The following PACRG variants were observed in gnomAD, a reference collection of about 807,000 sequenced individuals.
PACRG encodes the protein parkin coregulated.
PACRG carries 29 observed loss-of-function variants against 29.7 expected under a neutral mutation model. The ratio of observed to expected loss-of-function variants is 0.98; its 90% CI spans 0.73 to 1.33. PACRG has a LOEUF of 1.33. Ranked by LOEUF, PACRG falls within the 40% of genes most tolerant of loss-of-function variation. The pLI is 0.00. For synonymous variants in PACRG, 116 were observed against 118.7 expected (o/e 0.98, Z 0.15); for missense variants, 279 against 316.2 (o/e 0.88, Z 0.89).
intron 1 of PACRG, among the ~76,000 whole-genome samples, chr6:162,803,857 C>A (rs1786087094): frequency 6.6e-6 from 1 of 152,042 alleles, no homozygotes; most frequent in Non-Finnish European, 1.5e-5. Flanking sequence ...AAATTTACCT[C>A]ATTATCTCAC....
chr6:163,220,708 TGGA>T (rs1008047266), intron 4 of PACRG, among the ~76,000 whole-genome samples: 3 of 152,200 alleles, frequency 2.0e-5, no homozygotes, highest in African/African-American at 7.2e-5. Context: ...AGAGAGTATG[TGGA>T]GAAGTTAAAT....
chr6:162,865,688 C>A (rs1792234074), intron 2 of PACRG, among the ~76,000 whole-genome samples: 1 of 152,126 alleles, frequency 6.6e-6, no homozygotes, highest in Admixed American at 6.5e-5. Context: ...TCACAAAAGG[C>A]TTATCTTCTC....
intron 2 of PACRG, among the ~76,000 whole-genome samples, chr6:163,045,621 CTTTT>C (rs11326242): frequency 9.4e-6 from 1 of 105,870 alleles, no homozygotes. Flanking sequence ...CTGCGCCCAG[CTTTT>C]TTTTTTTTTT....
chr6:162,871,205 A>C (rs571805124), intron 2 of PACRG, among the ~76,000 whole-genome samples: 1 of 152,310 alleles, frequency 6.6e-6, no homozygotes, highest in East Asian at 1.9e-4. Flanking sequence ...AAAGTATGCA[A>C]TCATACTTTT....
At chr6:163,110,733 C>G (rs1298221980) in intron 4 of PACRG, among the ~76,000 whole-genome samples, 1 of 152,232 alleles carries the variant, frequency 6.6e-6, no homozygotes, top group Non-Finnish European at 1.5e-5. Context: ...CACTTTGATG[C>G]TCAGCCCCTC....
intron 4 of PACRG, among the ~76,000 whole-genome samples, chr6:163,276,008 C>CTTCTTTCT (rs376811032): frequency 0.018 from 2,500 of 140,650 alleles, 48 homozygotes; most frequent in African/African-American, 0.049. Context: ...TCCTTCCTTC[C>CTTCTTTCT]TTCTTTCTTT....
At position 163,180,881 on chromosome 6, in the gene PACRG, G is replaced by T. The variant is rs1585304511; in HGVS notation, c.613+91473G>T. Among the ~76,000 whole-genome samples the T allele has an allele frequency of 3.3e-5, 5 of 152,216 alleles. No homozygotes were observed. The South Asian group carries it at 6.2e-4, about 19-fold the overall frequency. On this transcript the variant is annotated intron_variant, in intron 4 of 4. Transcript: ENST00000366888. Reference sequence around the variant, plus strand: ...CTGGAGTCACCAGGCACCGAGCGTTGTGTGTGTTTCACCCGCTTGGCGTTT... The same window carrying T: ...CTGGAGTCACCAGGCACCGAGCGTTTTGTGTGTTTCACCCGCTTGGCGTTT...
At chr6:163,249,346 T>A (rs1257973499) in intron 4 of PACRG, among the ~76,000 whole-genome samples, 1 of 151,728 alleles carries the variant, frequency 6.6e-6, no homozygotes, top group Non-Finnish European at 1.5e-5. Context: ...ATTGTCCATT[T>A]AAAAAAAAAC....
intron 2 of PACRG, among the ~76,000 whole-genome samples, chr6:162,860,943 G>A (rs1234888407): frequency 6.6e-6 from 1 of 152,144 alleles, no homozygotes. Flanking sequence ...TTAAAATTAA[G>A]TCTGTTAGTT....
At chr6:163,187,254 A>T (rs907819551) in intron 4 of PACRG, among the ~76,000 whole-genome samples, 3 of 152,084 alleles carry the variant, frequency 2.0e-5, no homozygotes, top group Non-Finnish European at 4.4e-5. Context: ...ATCCCTCCAT[A>T]GACTGATCTG....
At chr6:162,820,806 C>T (rs1182342660) in intron 2 of PACRG, among the ~76,000 whole-genome samples, 1 of 152,010 alleles carries the variant, frequency 6.6e-6, no homozygotes, top group African/African-American at 2.4e-5. Context: ...TTGATAACTG[C>T]CAAAGCTTGA....
intron 2 of PACRG, among the ~76,000 whole-genome samples, chr6:162,871,962 A>G (rs1792858973): frequency 6.6e-6 from 1 of 152,186 alleles, no homozygotes; most frequent in African/African-American, 2.4e-5. Context: ...AAAAAACAAA[A>G]GACTACTTTC....
At chr6:162,948,620 A>G (rs1160201840) in intron 2 of PACRG, among the ~76,000 whole-genome samples, 2 of 152,156 alleles carry the variant, frequency 1.3e-5, no homozygotes, top group Non-Finnish European at 2.9e-5. Flanking sequence ...ATGAGAGAAA[A>G]TATTTGCAAA....
chr6:163,022,321 C>T (rs972969285), intron 2 of PACRG, among the ~76,000 whole-genome samples: 6 of 152,220 alleles, frequency 3.9e-5, no homozygotes, highest in South Asian at 2.1e-4. Context: ...TAATAATTGC[C>T]GTGTAGGAAG....
chr6:163,144,490 C>T (rs563564835), intron 4 of PACRG, among the ~76,000 whole-genome samples: 5 of 152,176 alleles, frequency 3.3e-5, no homozygotes, highest in South Asian at 2.1e-4. Flanking sequence ...TAATACAGGC[C>T]GGGTTCAGTG....
intron 4 of PACRG, among the ~76,000 whole-genome samples, chr6:163,248,431 CAAA>C (rs199676766): frequency 3.6e-5 from 4 of 109,632 alleles, no homozygotes; most frequent in Non-Finnish European, 4.1e-5. Flanking sequence ...ATATTTTATG[CAAA>C]AAAAAAAAAA....
Position 162,925,430 on chromosome 6 carries a change from A to T in PACRG, c.291+111149A>T, listed in dbSNP as rs1378116041. Among the ~76,000 whole-genome samples the T allele has an allele frequency of 1.1e-4, 16 of 152,344 alleles. No individual in the cohort carries two copies. In the East Asian group the frequency reaches 3.1e-3, roughly 29 times the overall value. ...AAAATCTTCAATAAAATACTGGCAAACTGAATCCAGCAGTGCATCAGAAAG... is the reference window on the plus strand; with the variant it reads ...AAAATCTTCAATAAAATACTGGCAATCTGAATCCAGCAGTGCATCAGAAAG... On this transcript the variant is annotated intron_variant, in intron 2 of 4. Coordinates refer to ENST00000366888, the MANE Select transcript of PACRG (RefSeq NM_001080379.2).
chr6:163,281,312 C>T (rs1291218206), intron 4 of PACRG, among the ~76,000 whole-genome samples: 2 of 152,150 alleles, frequency 1.3e-5, no homozygotes, highest in Non-Finnish European at 2.9e-5. Context: ...CAGATCATTG[C>T]CATTGAAGAA....
rs968047429 is a variant in PACRG, at chr6:163,300,341, G to A, written c.614-14486G>A. Among the ~76,000 whole-genome samples the A allele has an allele frequency of 2.0e-5, 3 of 152,356 alleles. No individual in the cohort carries two copies. The East Asian group carries it at 5.8e-4, about 29-fold the overall frequency. ...CCATCCCAAAGGGCCTAGGACCATG[G>A]CGCTGAAGAGTCTGGAAGAGGACGG... On this transcript the variant is annotated intron_variant, in intron 4 of 4. Transcript: ENST00000366888.
Sources: gnomAD v4.1 joint callset for allele counts (sites outside exome capture counted in the v4.1 genomes callset) on GRCh38, gnomAD v4.1.1 for gene constraint, MANE v1.5 for transcripts, NCBI Gene and HGNC (gene_info 2026-07-23, HGNC 2026-07-21) for gene names.